The following SLC24A2 variants were observed in gnomAD, a reference collection of about 807,000 sequenced individuals.
The protein encoded by SLC24A2 is sodium/potassium/calcium exchanger 2.
Under a neutral mutation model 62.0 loss-of-function variants are expected in SLC24A2, and 36 were observed. That is an observed-to-expected ratio of 0.58 (90% CI 0.44 to 0.77). SLC24A2 has a LOEUF of 0.77. Among genes scored for constraint, SLC24A2 ranks in the 30% least tolerant of loss-of-function variants. The pLI is 0.00. For missense variants in SLC24A2, 846 were observed against 817.9 expected (o/e 1.03, Z -0.42); for synonymous variants, 358 against 294.0 (o/e 1.22, Z -2.23).
chr9:19,662,393 C>T (rs537166425), intron 2 of SLC24A2, among the ~76,000 whole-genome samples: 8 of 152,268 alleles, frequency 5.3e-5, no homozygotes, highest in African/African-American at 1.9e-4. Flanking sequence ...AACACTGGAC[C>T]GCATGTTCTG....
At chr9:19,625,847 C>A (rs1818021240) in intron 2 of SLC24A2, among the ~76,000 whole-genome samples, 1 of 151,940 alleles carries the variant, frequency 6.6e-6, no homozygotes, top group African/African-American at 2.4e-5. Flanking sequence ...CCACCACGCC[C>A]AGCTAATTTT....
intron 7 of SLC24A2, among the ~76,000 whole-genome samples, chr9:19,561,339 T>A (rs1835390588): frequency 6.6e-6 from 1 of 152,148 alleles, no homozygotes; most frequent in African/African-American, 2.4e-5. Context: ...TAAGTTTACG[T>A]GTTTCTTATT....
intron 2 of SLC24A2, among the ~76,000 whole-genome samples, chr9:19,760,182 C>T (rs1301575636): frequency 6.6e-6 from 1 of 151,932 alleles, no homozygotes. Flanking sequence ...GGCAATCACT[C>T]GGCTCCCTCC....
chr9:19,832,541 T>G, the SLC24A2 span, among the ~76,000 whole-genome samples: 2 of 152,198 alleles, frequency 1.3e-5, no homozygotes, highest in African/African-American at 4.8e-5. Context: ...TAGCCATATG[T>G]AGAAAGCTGA....
intron 10 of SLC24A2, among the ~76,000 whole-genome samples, chr9:19,520,490 A>G (rs944453415): frequency 6.6e-6 from 1 of 152,194 alleles, no homozygotes; most frequent in Non-Finnish European, 1.5e-5. Context: ...TGGTAGGCCT[A>G]TGTTTTCCCC....
intron 2 of SLC24A2, among the ~76,000 whole-genome samples, chr9:19,674,314 T>C (rs1230170861): frequency 6.6e-6 from 1 of 152,232 alleles, no homozygotes; most frequent in East Asian, 1.9e-4. Flanking sequence ...TTCTTAAGTT[T>C]TGACTTTAGA....
the SLC24A2 span, among the ~76,000 whole-genome samples, chr9:19,961,609 T>C: frequency 6.6e-6 from 1 of 152,206 alleles, no homozygotes; most frequent in Non-Finnish European, 1.5e-5. Flanking sequence ...CCCCAATACT[T>C]CCTGGTATTC....
At chr9:20,221,971 G>C in the SLC24A2 span, among the ~76,000 whole-genome samples, 8 of 151,936 alleles carry the variant, frequency 5.3e-5, no homozygotes, top group Admixed American at 2.0e-4. Flanking sequence ...GAAACAGTGA[G>C]AACAGAAAAT....
chr9:19,978,977 A>T, the SLC24A2 span, among the ~76,000 whole-genome samples: 1 of 152,200 alleles, frequency 6.6e-6, no homozygotes, highest in Non-Finnish European at 1.5e-5. Context: ...AAAGGTTCAG[A>T]CATGCTCGAT....
At chr9:19,875,239 A>C in the SLC24A2 span, among the ~76,000 whole-genome samples, 1 of 152,184 alleles carries the variant, frequency 6.6e-6, no homozygotes, top group Non-Finnish European at 1.5e-5. Flanking sequence ...AACTCTTTCA[A>C]GACTTGTGTT....
At chr9:19,781,460 G>A (rs528987117) in intron 2 of SLC24A2, among the ~76,000 whole-genome samples, 1 of 152,180 alleles carries the variant, frequency 6.6e-6, no homozygotes, top group Admixed American at 6.5e-5. Context: ...GGGGAAACCA[G>A]AATAGCAAGG....
the SLC24A2 span, among the ~76,000 whole-genome samples, chr9:20,258,073 C>A: frequency 6.6e-6 from 1 of 152,200 alleles, no homozygotes; most frequent in Non-Finnish European, 1.5e-5. Flanking sequence ...CCTCTCCCAA[C>A]CCCCTACACA....
the SLC24A2 span, among the ~76,000 whole-genome samples, chr9:20,058,522 A>ACAC: frequency 8.7e-6 from 1 of 115,532 alleles, no homozygotes; most frequent in Non-Finnish European, 1.8e-5. Flanking sequence ...CACACACACA[A>ACAC]ATATTTGGGA....
chr9:20,042,587 G>C, the SLC24A2 span, among the ~76,000 whole-genome samples: 1 of 152,204 alleles, frequency 6.6e-6, no homozygotes, highest in Non-Finnish European at 1.5e-5. Context: ...TTATTGCTAA[G>C]GGACATGTTC....
chr9:19,861,620 G>C, the SLC24A2 span, among the ~76,000 whole-genome samples: 29 of 152,236 alleles, frequency 1.9e-4, no homozygotes, highest in African/African-American at 6.7e-4. Flanking sequence ...GAGAAAGAGA[G>C]ATATGTCACC....
chr9:20,249,764 A>G, the SLC24A2 span, among the ~76,000 whole-genome samples: 1 of 151,842 alleles, frequency 6.6e-6, no homozygotes, highest in Admixed American at 6.6e-5. Flanking sequence ...CTGAGTAATA[A>G]TATCTGCTAT....
intron 2 of SLC24A2, among the ~76,000 whole-genome samples, chr9:19,714,698 A>G (rs577628010): frequency 1.3e-5 from 2 of 152,334 alleles, no homozygotes; most frequent in Middle Eastern, 3.4e-3. Context: ...ATAGAGTAAA[A>G]TGGTCATTAC....
the SLC24A2 span, among the ~76,000 whole-genome samples, chr9:20,131,854 A>C: frequency 4.5e-4 from 69 of 152,248 alleles, 1 homozygote; most frequent in Non-Finnish European, 1.5e-5. Context: ...TCATAAGAGA[A>C]TAAAATTTAT....
chr9:20,146,059 T>C, the SLC24A2 span, among the ~76,000 whole-genome samples: 2 of 152,156 alleles, frequency 1.3e-5, no homozygotes, highest in Non-Finnish European at 2.9e-5. Context: ...ACATAGCTCA[T>C]TGCCAATCTG....
Sources: gnomAD v4.1 joint callset for allele counts (sites outside exome capture counted in the v4.1 genomes callset) on GRCh38, gnomAD v4.1.1 for gene constraint, MANE v1.5 for transcripts, NCBI Gene and HGNC (gene_info 2026-07-23, HGNC 2026-07-21) for gene names.